The following TBC1D32 variants were observed in gnomAD, a reference collection of about 807,000 sequenced individuals.
TBC1D32 encodes the protein TBC1 domain family member 32.
Under a neutral mutation model 170.3 loss-of-function variants are expected in TBC1D32, and 151 were observed. The ratio of observed to expected loss-of-function variants is 0.89; its 90% CI spans 0.78 to 1.01. The LOEUF (loss-of-function observed/expected upper bound fraction) is 1.01, where lower values mean the gene tolerates loss of function less well. Among genes scored for constraint, TBC1D32 ranks in the 50% least tolerant of loss-of-function variants. The pLI, the probability that TBC1D32 is intolerant of heterozygous loss-of-function variation, is 0.00. For synonymous variants in TBC1D32, 498 were observed against 488.0 expected, an observed-to-expected ratio of 1.02 and a Z score of -0.27; for missense variants, 1,464 against 1,457.1, an observed-to-expected ratio of 1.00 and a Z score of -0.08.
intron 21 of TBC1D32, among the ~76,000 whole-genome samples, chr6:121,208,548 G>T (rs936433289): frequency 6.6e-6 from 1 of 151,820 alleles, no homozygotes; most frequent in African/African-American, 2.4e-5. Flanking sequence ...TTCAAGACGA[G>T]ATCTGGGTAG....
At chr6:121,136,130 A>G (rs1445907923) in intron 24 of TBC1D32, among the ~76,000 whole-genome samples, 1 of 152,208 alleles carries the variant, frequency 6.6e-6, no homozygotes, top group African/African-American at 2.4e-5. Context: ...GATTGAAATT[A>G]TCAAGGACAT....
chr6:121,286,693 A>G (rs1386647556), intron 12 of TBC1D32, among the ~76,000 whole-genome samples: 9 of 152,178 alleles, frequency 5.9e-5, no homozygotes, highest in Admixed American at 3.9e-4. Flanking sequence ...TCCAAGACAC[A>G]TAATTGTCAG....
chr6:121,295,849 C>T (rs1363675106), intron 10 of TBC1D32, among the ~76,000 whole-genome samples: 1 of 152,136 alleles, frequency 6.6e-6, no homozygotes, highest in Non-Finnish European at 1.5e-5. Context: ...GGACTTCTGT[C>T]TTTAGAAAGG....
chr6:121,161,735 T>A (rs1408778162), intron 22 of TBC1D32, among the ~76,000 whole-genome samples: 4 of 152,198 alleles, frequency 2.6e-5, no homozygotes, highest in Admixed American at 6.5e-5. Context: ...GCTATTTCTG[T>A]CTTCAGGTCT....
chr6:121,101,276 C>T (rs1778023510), intron 30 of TBC1D32, among the ~76,000 whole-genome samples: 1 of 151,978 alleles, frequency 6.6e-6, no homozygotes, highest in Admixed American at 6.6e-5. Flanking sequence ...CGGTCAGAGA[C>T]ACAACAAAAA....
Position 121,161,163 on chromosome 6 carries a change from T to C in TBC1D32, c.2571-107A>G, listed in dbSNP as rs1390674796. The C allele has an allele frequency of 2.0e-5, 16 of 804,734 alleles. No individual in the cohort carries two copies. In the East Asian group the frequency reaches 3.5e-4, roughly 18 times the overall value. The allele number at this position is 804,734 out of a possible 1,614,324, so 49.8% of individuals were successfully genotyped here. On this transcript the variant is annotated intron_variant, in intron 22 of 31. Transcript: ENST00000398212. Reference sequence around the variant, plus strand: ...GAAAAAAGGCAAAAATATTTATCAATCTATTTCTTTTTCTTTACTGCATTT... The same window carrying C: ...GAAAAAAGGCAAAAATATTTATCAACCTATTTCTTTTTCTTTACTGCATTT...
intron 15 of TBC1D32, among the ~76,000 whole-genome samples, chr6:121,264,206 G>C (rs1474606687): frequency 1.3e-5 from 2 of 151,900 alleles, no homozygotes; most frequent in African/African-American, 4.8e-5. Flanking sequence ...AGAAAAGAGA[G>C]AAGAATCAAA....
intron 22 of TBC1D32, among the ~76,000 whole-genome samples, chr6:121,197,699 G>A (rs9401377): frequency 0.68 from 103,530 of 152,046 alleles, 40,615 homozygotes; most frequent in Non-Finnish European, 0.87. Flanking sequence ...TCTTATTATT[G>A]TCTTTATTTG....
At chr6:121,169,028 A>G (rs988570708) in intron 22 of TBC1D32, among the ~76,000 whole-genome samples, 4 of 151,358 alleles carry the variant, frequency 2.6e-5, no homozygotes, top group Non-Finnish European at 5.9e-5. Flanking sequence ...TATTCGTATT[A>G]AACTATATTG....
chr6:121,226,996 G>C (rs945413125), intron 20 of TBC1D32, among the ~76,000 whole-genome samples: 2 of 152,116 alleles, frequency 1.3e-5, no homozygotes, highest in Non-Finnish European at 2.9e-5. Context: ...ATTGGAAGAA[G>C]AAGAATTGTC....
intron 4 of TBC1D32, among the ~76,000 whole-genome samples, chr6:121,309,611 T>A (rs1318767548): frequency 6.6e-6 from 1 of 152,022 alleles, no homozygotes; most frequent in African/African-American, 2.4e-5. Context: ...AAAAAAAAAA[T>A]CTTCAAAAAT....
At chr6:121,091,286 T>C (rs1261284884) in intron 30 of TBC1D32, among the ~76,000 whole-genome samples, 1 of 152,176 alleles carries the variant, frequency 6.6e-6, no homozygotes, top group Non-Finnish European at 1.5e-5. Flanking sequence ...ACTCCTCATA[T>C]ACCTATTACT....
At chr6:121,205,837 A>C (rs945426854) in intron 21 of TBC1D32, among the ~76,000 whole-genome samples, 2 of 152,184 alleles carry the variant, frequency 1.3e-5, no homozygotes, top group South Asian at 4.2e-4. Flanking sequence ...GCAAATATAC[A>C]CAGAACCTGA....
At position 121,096,600 on chromosome 6, in the gene TBC1D32, T is replaced by C. The variant is rs572407164; in HGVS notation, c.3466-5559A>G. Among the ~76,000 whole-genome samples, 146 of 152,120 alleles carry C rather than the reference T, an allele frequency of 9.6e-4. 1 individual carries two copies. The highest frequency in any genetic ancestry group is 7.0e-3 in the Admixed American group (107 of 15,266). On this transcript the variant is annotated intron_variant, in intron 30 of 31. Transcript: ENST00000398212. ...TGCTCATGGATAGGAAGAATCAATA[T>C]CATGAAAATGGCCATACTGCCCAAA...
chr6:121,328,865 T>C (rs1810828647), intron 1 of TBC1D32, among the ~76,000 whole-genome samples: 1 of 152,212 alleles, frequency 6.6e-6, no homozygotes, highest in Non-Finnish European at 1.5e-5. Context: ...ACTAACCTTG[T>C]TACTTTAGAA....
chr6:121,161,825 C>T (rs1785704718), intron 22 of TBC1D32, among the ~76,000 whole-genome samples: 1 of 152,206 alleles, frequency 6.6e-6, no homozygotes, highest in African/African-American at 2.4e-5. Flanking sequence ...CTTTTTTCTC[C>T]ACAACCATGC....
Position 121,304,377 on chromosome 6 carries a change from C to T in TBC1D32, c.923G>A (p.Arg308His), listed in dbSNP as rs781008183. 1.1e-5 allele frequency: 17 copies of T among 1,613,140 alleles called. No individual in the cohort carries two copies. The highest frequency in any genetic ancestry group is 5.5e-5 in the South Asian group (5 of 91,028). ...GGAGGGGACTTACTTCTCTGGATGA[C>T]GAATCCAGAAAGATGGAGCTTCTTT... Reference protein sequence around the residue: ...YQKEAPSFWIRHPEKYMEEIV... With the variant: ...YQKEAPSFWIHHPEKYMEEIV... Residue 308 changes from arginine to histidine, a missense_variant, in exon 8 of 32, where the codon CGT becomes CAT. By Grantham distance (29) the Arg-to-His change is conservative (BLOSUM62 0). Around this residue, in one of 3 missense-constraint regions of TBC1D32, gnomAD observed 1,363 missense variants for 1,338.1 expected, o/e 1.02. Transcript: ENST00000398212.
intron 1 of TBC1D32, among the ~76,000 whole-genome samples, chr6:121,332,086 G>T (rs1015162079): frequency 1.3e-5 from 2 of 152,090 alleles, no homozygotes; most frequent in African/African-American, 2.4e-5. Context: ...CTAATGAGCT[G>T]TTGAAGGGTA....
chr6:121,080,969 T>A, intron 31 of TBC1D32, 79 bp from the exon 32 acceptor site: 1 of 1,522,166 alleles, frequency 6.6e-7, no homozygotes, highest in Non-Finnish European at 8.9e-7. Flanking sequence ...AAATAATTGA[T>A]ATACCATTTA....
Sources: allele counts gnomAD v4.1 joint callset (sites outside exome capture counted in the v4.1 genomes callset), GRCh38; gene constraint gnomAD v4.1.1; regional missense constraint gnomAD v4.1.1; transcripts MANE v1.5; gene names NCBI Gene and HGNC (gene_info 2026-07-23, HGNC 2026-07-21).